The following THSD7A variants were observed in gnomAD, a reference collection of about 807,000 sequenced individuals.
The protein encoded by THSD7A is thrombospondin type 1 domain containing 7A, also known as thrombospondin type-1 domain-containing protein 7A.
A neutral mutation model predicts 231.3 loss-of-function variants in THSD7A; 96 were observed. That is an observed-to-expected ratio of 0.41 (90% CI 0.35 to 0.49). THSD7A has a LOEUF of 0.49. Ranked by LOEUF, THSD7A falls within the 20% of genes least tolerant of loss-of-function variation. The pLI is 0.05. For synonymous variants in THSD7A, 940 were observed against 743.3 expected (o/e 1.26, Z -4.30); for missense variants, 2,290 against 2,070.2 (o/e 1.11, Z -2.06).
intron 1 of THSD7A, among the ~76,000 whole-genome samples, chr7:11,718,523 T>C (rs549550129): frequency 6.6e-6 from 1 of 151,696 alleles, no homozygotes; most frequent in South Asian, 2.1e-4. Context: ...TAGCAGGTAG[T>C]GCATTCAAGC....
At chr7:11,798,899 G>C (rs555553839) in intron 1 of THSD7A, among the ~76,000 whole-genome samples, 7 of 150,994 alleles carry the variant, frequency 4.6e-5, no homozygotes, top group South Asian at 2.1e-4. Context: ...TATGTATTTT[G>C]GTTTAAAGTT....
At chr7:11,416,039 AT>A (rs1380948643) in intron 17 of THSD7A, among the ~76,000 whole-genome samples, 2 of 152,174 alleles carry the variant, frequency 1.3e-5, no homozygotes, top group Non-Finnish European at 2.9e-5. Context: ...AAACTGTTAA[AT>A]TTAATTTTTC....
intron 6 of THSD7A, among the ~76,000 whole-genome samples, chr7:11,504,241 T>A (rs1027839944): frequency 6.6e-6 from 1 of 152,116 alleles, no homozygotes; most frequent in Non-Finnish European, 1.5e-5. Flanking sequence ...CTTTCACCTA[T>A]AAGTGGGAGC....
intron 1 of THSD7A, among the ~76,000 whole-genome samples, chr7:11,708,134 T>C (rs1375420176): frequency 2.0e-5 from 3 of 150,740 alleles, no homozygotes; most frequent in Admixed American, 1.3e-4. Context: ...AAGCCTAGAG[T>C]TAAAGCTAGC....
intron 23 of THSD7A, among the ~76,000 whole-genome samples, chr7:11,389,089 G>A (rs1191460512): frequency 1.3e-5 from 2 of 152,136 alleles, no homozygotes; most frequent in South Asian, 2.1e-4. Context: ...GTTGATTTGG[G>A]GTGGAGAGTT....
At chr7:11,696,064 T>A (rs1036242732) in intron 1 of THSD7A, among the ~76,000 whole-genome samples, 1 of 151,460 alleles carries the variant, frequency 6.6e-6, no homozygotes, top group African/African-American at 2.4e-5. Context: ...ACTGAGTTAT[T>A]TGGGGAATGC....
intron 2 of THSD7A, among the ~76,000 whole-genome samples, chr7:11,614,594 G>A (rs1477529890): frequency 6.6e-6 from 1 of 152,318 alleles, no homozygotes; most frequent in Non-Finnish European, 1.5e-5. Context: ...GGATATTCTA[G>A]CTGAAAGCTA....
At chr7:11,561,805 C>T (rs1790088678) in intron 4 of THSD7A, among the ~76,000 whole-genome samples, 1 of 152,060 alleles carries the variant, frequency 6.6e-6, no homozygotes, top group East Asian at 1.9e-4. Flanking sequence ...TGAGGGAGGT[C>T]ACAGCACTGC....
chr7:11,468,206 A>G (rs991174144), intron 9 of THSD7A, among the ~76,000 whole-genome samples: 22 of 152,136 alleles, frequency 1.4e-4, no homozygotes, highest in Admixed American at 1.3e-4. Context: ...ATAAACAGAA[A>G]AGATCAAGTA....
intron 1 of THSD7A, among the ~76,000 whole-genome samples, chr7:11,799,473 C>A (rs1784219284): frequency 6.6e-6 from 1 of 152,058 alleles, no homozygotes; most frequent in Non-Finnish European, 1.5e-5. Context: ...AATATTAATG[C>A]TCATTTAATA....
chr7:11,574,252 G>A (rs947766171), intron 4 of THSD7A, among the ~76,000 whole-genome samples: 1 of 135,784 alleles, frequency 7.4e-6, no homozygotes, highest in Admixed American at 7.4e-5. Flanking sequence ...TTATTTTTTG[G>A]TATATAATTT....
intron 2 of THSD7A, among the ~76,000 whole-genome samples, chr7:11,622,262 T>A (rs574054905): frequency 6.6e-6 from 1 of 152,236 alleles, no homozygotes; most frequent in African/African-American, 2.4e-5. Flanking sequence ...CCCCATCTTT[T>A]TTGAAAGAGA....
intron 4 of THSD7A, among the ~76,000 whole-genome samples, chr7:11,588,333 T>C (rs933662868): frequency 5.3e-5 from 8 of 152,180 alleles, no homozygotes; most frequent in Non-Finnish European, 7.4e-5. Context: ...GTGGAATAAA[T>C]GCTACATTTT....
intron 1 of THSD7A, among the ~76,000 whole-genome samples, chr7:11,733,185 T>C (rs1429423967): frequency 6.6e-6 from 1 of 151,864 alleles, no homozygotes; most frequent in Non-Finnish European, 1.5e-5. Context: ...AATTGGTGTT[T>C]CCTATTGAAG....
intron 6 of THSD7A, among the ~76,000 whole-genome samples, chr7:11,510,112 C>A (rs1322426447): frequency 6.6e-6 from 1 of 152,094 alleles, no homozygotes. Context: ...TACAGCAGCA[C>A]AATTCACAAT....
intron 1 of THSD7A, among the ~76,000 whole-genome samples, chr7:11,771,778 T>C (rs564824364): frequency 7.2e-4 from 109 of 152,280 alleles, no homozygotes; most frequent in African/African-American, 2.6e-3. Context: ...TGGGGCCTAG[T>C]GGGAGGTGAT....
chr7:11,672,509 A>G (rs1253490245), intron 1 of THSD7A, among the ~76,000 whole-genome samples: 2 of 152,042 alleles, frequency 1.3e-5, no homozygotes, highest in African/African-American at 4.8e-5. Flanking sequence ...TTATTCTTTC[A>G]TTTTAAACAT....
intron 1 of THSD7A, among the ~76,000 whole-genome samples, chr7:11,795,123 C>G (rs1417594003): frequency 1.3e-5 from 2 of 151,510 alleles, no homozygotes; most frequent in Admixed American, 1.3e-4. Context: ...TTTTGTTTGT[C>G]TTTAACCGAG....
At chr7:11,440,041 CAGTTGGTGACTTTA>C (rs1440889127) in intron 13 of THSD7A, among the ~76,000 whole-genome samples, 1 of 151,896 alleles carries the variant, frequency 6.6e-6, no homozygotes, top group Non-Finnish European at 1.5e-5. Flanking sequence ...GGGGTTAATG[CAGTTGGTGACTTTA>C]AGTTGAAGCC....
Sources: gnomAD v4.1 joint callset for allele counts (sites outside exome capture counted in the v4.1 genomes callset) on GRCh38, gnomAD v4.1.1 for gene constraint, MANE v1.5 for transcripts, NCBI Gene and HGNC (gene_info 2026-07-23, HGNC 2026-07-21) for gene names.